CR1L: variants seen among roughly 807,000 people sequenced by gnomAD.
CR1L encodes the protein complement C3b/C4b receptor 1 like, also known as complement component receptor 1-like protein.
CR1L carries 59 observed loss-of-function variants against 62.3 expected under a neutral mutation model. The observed-to-expected ratio is 0.95, with a 90% confidence interval of 0.77 to 1.18. CR1L has a LOEUF of 1.18. Ranked by LOEUF, CR1L falls within the 50% of genes most tolerant of loss-of-function variation. CR1L has a pLI of 0.00. For missense variants in CR1L, 700 were observed against 702.8 expected, an observed-to-expected ratio of 1.00 and a Z score of 0.04; for synonymous variants, 279 against 248.7, an observed-to-expected ratio of 1.12 and a Z score of -1.15.
chr1:207,706,021 A>G (rs796315226), intron 9 of CR1L, among the ~76,000 whole-genome samples: 1,787 of 131,976 alleles, frequency 0.014, 37 homozygotes, highest in African/African-American at 0.059. Flanking sequence ...ATGTATATAT[A>G]TATATATATA....
At chr1:207,676,324 C>T (rs186803844) in intron 1 of CR1L, among the ~76,000 whole-genome samples, 85 of 152,200 alleles carry the variant, frequency 5.6e-4, no homozygotes, top group Non-Finnish European at 9.0e-4. Flanking sequence ...GGGCATAAAC[C>T]GGTACTGTCC....
rs1664039634 is a variant in CR1L, at chr1:207,694,428, G to C, written c.539G>C (p.Gly180Ala). 2 of 1,613,818 alleles carry C rather than the reference G, an allele frequency of 1.2e-6. No homozygotes were observed. Among genetic ancestry groups the C allele is most frequent in the African/African-American group, 1.3e-5 (1 of 74,898 alleles). Residue 180 changes from glycine (G) to alanine (A), a missense_variant, in exon 5 of 12, where the codon GGA becomes GCA. Gly to Ala is a moderately conservative substitution (Grantham distance 60, BLOSUM62 0). Coordinates refer to ENST00000508064, the MANE Select transcript of CR1L (RefSeq NM_175710.2). ...ATCAGCAGAGAGTATTTTCACTATG[G>C]ATCAGTGGTGACCTACCACTGCAAT... ...TSISREYFHY[G>A]SVVTYHCNLG...
chr1:207,671,775 G>A (rs1663618389), intron 1 of CR1L, among the ~76,000 whole-genome samples: 2 of 150,484 alleles, frequency 1.3e-5, no homozygotes, highest in Non-Finnish European at 2.9e-5. Flanking sequence ...CCAAAAATTA[G>A]CTGGGCATGA....
chr1:207,670,174 C>A (rs538436908), intron 1 of CR1L, among the ~76,000 whole-genome samples: 1 of 150,966 alleles, frequency 6.6e-6, no homozygotes, highest in South Asian at 2.1e-4. Context: ...CTAGGGATGT[C>A]CTGCATGGAA....
chr1:207,686,142 T>TC (rs1663904818), intron 4 of CR1L, among the ~76,000 whole-genome samples: 1 of 45,672 alleles, frequency 2.2e-5, no homozygotes, highest in Non-Finnish European at 3.8e-5. Flanking sequence ...CTCCCTTCCT[T>TC]CCTTCCTTCC....
At chr1:207,694,043 A>C (rs1664033395) in intron 4 of CR1L, among the ~76,000 whole-genome samples, 1 of 152,176 alleles carries the variant, frequency 6.6e-6, no homozygotes, top group African/African-American at 2.4e-5. Context: ...AAAAATGCAA[A>C]TTAAGAAAGC....
intron 4 of CR1L, among the ~76,000 whole-genome samples, chr1:207,686,618 C>T (rs1266362238): frequency 6.6e-6 from 1 of 152,090 alleles, no homozygotes; most frequent in African/African-American, 2.4e-5. Context: ...ATAACAAATA[C>T]CCTTTTATAA....
At chr1:207,667,771 T>C (rs1222242757) in intron 1 of CR1L, among the ~76,000 whole-genome samples, 1 of 144,016 alleles carries the variant, frequency 6.9e-6, no homozygotes, top group Non-Finnish European at 1.5e-5. Context: ...ACCTATGCCT[T>C]TGACAAGGGG....
At chr1:207,669,345 G>T in intron 1 of CR1L, 3 of 755,334 alleles carry the variant, frequency 4.0e-6, no homozygotes, top group Non-Finnish European at 6.6e-6. Context: ...TGCTCTGGGC[G>T]CGGAGCACAA....
At chr1:207,650,473 G>T (rs558314079) in intron 1 of CR1L, among the ~76,000 whole-genome samples, 1 of 152,262 alleles carries the variant, frequency 6.6e-6, no homozygotes. Flanking sequence ...CAAGGAGGAG[G>T]CCCTTTAATG....
chr1:207,650,807 A>G (rs1182282228), intron 1 of CR1L, among the ~76,000 whole-genome samples: 1 of 143,496 alleles, frequency 7.0e-6, no homozygotes, highest in African/African-American at 2.6e-5. Context: ...TTTTTTTGAG[A>G]CAGAGTCTCG....
At chr1:207,666,553 G>A (rs564294800) in intron 1 of CR1L, among the ~76,000 whole-genome samples, 1 of 152,170 alleles carries the variant, frequency 6.6e-6, no homozygotes, top group African/African-American at 2.4e-5. Flanking sequence ...CCTCTTCAGG[G>A]ACATGGATGG....
chr1:207,660,670 T>G (rs1383109691), intron 1 of CR1L, among the ~76,000 whole-genome samples: 1 of 152,210 alleles, frequency 6.6e-6, no homozygotes, highest in African/African-American at 2.4e-5. Flanking sequence ...TCTTAGTTAT[T>G]TCTTGCCTTC....
At chr1:207,722,515 T>C (rs1384807037) in intron 11 of CR1L, among the ~76,000 whole-genome samples, 2 of 150,600 alleles carry the variant, frequency 1.3e-5, no homozygotes, top group Non-Finnish European at 3.0e-5. Context: ...ATATGCGGCG[T>C]TATTTCTGAG....
chr1:207,713,585 C>T (rs1055677138), intron 10 of CR1L, among the ~76,000 whole-genome samples: 7 of 152,176 alleles, frequency 4.6e-5, no homozygotes, highest in African/African-American at 1.2e-4. Flanking sequence ...CCATGGCTGC[C>T]GCGACTACAT....
At position 207,697,864 on chromosome 1, in the gene CR1L, G is replaced by C. The variant is rs1201324448; in HGVS notation, c.1133G>C (p.Cys378Ser). ...CTTGGAGCAAAAGTGGATTTTGTTT[G>C]TGATGAAGGGTGAGTATGAGCTTGC... The part of the protein sequence containing the change: ...LQLGAKVDFV[C>S]DEGFQLKGSS... The change falls in exon 7 of 12, where the codon TGT becomes TCT. Residue 378 changes from cysteine to serine, a missense_variant. Cys to Ser is a moderately radical substitution (Grantham distance 112). Coordinates refer to ENST00000508064, the MANE Select transcript of CR1L (RefSeq NM_175710.2). 3.1e-6 allele frequency: 5 copies of C among 1,613,830 alleles called. No homozygotes were observed. The South Asian group carries it at 5.5e-5, about 18-fold the overall frequency.
intron 1 of CR1L, among the ~76,000 whole-genome samples, chr1:207,655,784 AT>A (rs1193138626): frequency 2.0e-5 from 3 of 152,216 alleles, no homozygotes; most frequent in African/African-American, 4.8e-5. Flanking sequence ...CATATATAAC[AT>A]TTTTTAATGA....
intron 11 of CR1L, among the ~76,000 whole-genome samples, chr1:207,721,403 C>T (rs1654135179): frequency 7.0e-6 from 1 of 143,716 alleles, no homozygotes; most frequent in South Asian, 2.2e-4. Flanking sequence ...CATGTGATCT[C>T]ATTGTTCAAT....
intron 1 of CR1L, among the ~76,000 whole-genome samples, chr1:207,672,530 TA>T (rs1033793804): frequency 2.6e-5 from 4 of 151,688 alleles, no homozygotes; most frequent in African/African-American, 9.7e-5. Context: ...AGAAAATCCA[TA>T]AGGACATACT....
Sources: allele counts gnomAD v4.1 joint callset (sites outside exome capture counted in the v4.1 genomes callset), GRCh38; gene constraint gnomAD v4.1.1; transcripts MANE v1.5; gene names NCBI Gene and HGNC (gene_info 2026-07-23, HGNC 2026-07-21).